Variants in SNX1 observed in about 807,000 individuals in gnomAD.
SNX1 encodes sorting nexin 1, also known as sorting nexin-1.
SNX1 carries 36 observed loss-of-function variants against 71.8 expected under a neutral mutation model. The ratio of observed to expected loss-of-function variants is 0.50; its 90% confidence interval spans 0.38 to 0.66. SNX1 has a LOEUF of 0.66. Ranked by LOEUF, SNX1 falls within the 30% of genes least tolerant of loss-of-function variation. The pLI is 0.00. For synonymous variants in SNX1, 254 were observed against 240.7 expected (o/e 1.06, Z -0.51); for missense variants, 612 against 646.7 (o/e 0.95, Z 0.58).
In SNX1 at chr15:64,139,732, A is replaced by G. The variant is rs984907663; in HGVS notation, c.*2114A>G. ...TATTTAAATTTTGCCATTTATCCCA[A>G]TAATGTCCTTTGTAGCCATTCTTTT... On this transcript the variant is annotated 3_prime_UTR_variant, in exon 15 of 15. Transcript: ENST00000559844. 1 of 152,050 alleles carries G rather than the reference A, an allele frequency of 6.6e-6. No individual in the cohort carries two copies. The highest frequency in any genetic ancestry group is 2.1e-4 in the South Asian group (1 of 4,820). 9.4% of individuals were successfully genotyped at this position (152,050 alleles called of 1,614,324 possible). A position where few individuals can be genotyped will look rare whatever the true frequency, so the allele number is the denominator to read the frequency against.
chr15:64,104,565 G>A (rs1469172407), intron 1 of SNX1, among the ~76,000 whole-genome samples: 2 of 151,512 alleles, frequency 1.3e-5, no homozygotes, highest in Non-Finnish European at 2.9e-5. Context: ...GAGCCACTGC[G>A]CCCGGCCCAG....
In SNX1 at chr15:64,123,493, T is replaced by C. The variant is rs1335028449; in HGVS notation, c.467-10T>C. 1 of 1,612,940 alleles carries C rather than the reference T, an allele frequency of 6.2e-7. No homozygotes were observed. ...ACAAGATAATCTTCTGCTTTCTTGTTCTCTCACAGGGGATGGTATGAATGC... is the reference window on the plus strand; with the variant it reads ...ACAAGATAATCTTCTGCTTTCTTGTCCTCTCACAGGGGATGGTATGAATGC... On this transcript the variant is annotated splice_polypyrimidine_tract_variant and intron_variant, in intron 4 of 14. Coordinates refer to ENST00000559844, the MANE Select transcript of SNX1 (RefSeq NM_003099.5).
chr15:64,104,045 T>C (rs1311711480), intron 1 of SNX1, among the ~76,000 whole-genome samples: 2 of 152,182 alleles, frequency 1.3e-5, no homozygotes, highest in Non-Finnish European at 2.9e-5. Context: ...AAATTCTACC[T>C]TGTGGTAAAT....
At chr15:64,107,191 C>T (rs921751451) in intron 1 of SNX1, among the ~76,000 whole-genome samples, 1 of 152,134 alleles carries the variant, frequency 6.6e-6, no homozygotes, top group African/African-American at 2.4e-5. Flanking sequence ...CTAATTTTCC[C>T]TCAAAAAATG....
At chr15:64,097,630 G>C (rs2080916924) in intron 1 of SNX1, among the ~76,000 whole-genome samples, 1 of 152,132 alleles carries the variant, frequency 6.6e-6, no homozygotes, top group Admixed American at 6.5e-5. Flanking sequence ...AATAATCTTT[G>C]TAATGTGGAA....
At chr15:64,120,456 G>A (rs1381792476) in intron 4 of SNX1, among the ~76,000 whole-genome samples, 3 of 151,510 alleles carry the variant, frequency 2.0e-5, no homozygotes, top group Non-Finnish European at 4.4e-5. Context: ...TATATTTTTT[G>A]TAGAGACAGG....
chr15:64,141,612 A>G lies in SNX1; in HGVS notation c.*3994A>G, dbSNP rs919128020. On this transcript the variant is annotated 3_prime_UTR_variant, in exon 15 of 15. Coordinates refer to ENST00000559844, the MANE Select transcript of SNX1 (RefSeq NM_003099.5). This position sits in a 1 kb window ranked among gnomAD's most constrained non-coding sequence, Gnocchi z 5.1. ...GGGTGAGGTAGGCGCATCTAGGGAA[A>G]TGTCAAGTGGCTTGGTGTAGGGTAA... The G allele has an allele frequency of 5.3e-5, 8 of 152,300 alleles. No individual in the cohort carries two copies. Among genetic ancestry groups the G allele is most frequent in the Admixed American group, 2.6e-4 (4 of 15,264 alleles). The allele number at this position is 152,300 out of a possible 1,614,324, so 9.4% of individuals were successfully genotyped here.
At chr15:64,113,839 A>AAGAG (rs10642801) in intron 2 of SNX1, among the ~76,000 whole-genome samples, 69 of 84,074 alleles carry the variant, frequency 8.2e-4, no homozygotes, top group African/African-American at 1.7e-3. Context: ...GAAAGAAAGA[A>AAGAG]AGAGAGAGAG....
At position 64,137,808 on chromosome 15, in the gene SNX1, C is replaced by T; in HGVS notation, c.*190C>T. 2.1e-6 allele frequency: 3 copies of T among 1,424,412 alleles called. No homozygotes were observed. Among genetic ancestry groups the T allele is most frequent in the Non-Finnish European group, 2.8e-6 (3 of 1,090,210 alleles). 88.2% of individuals were successfully genotyped at this position (1,424,412 alleles called of 1,614,324 possible). On this transcript the variant is annotated 3_prime_UTR_variant, in exon 15 of 15. Transcript: ENST00000559844. ...TTTAGCTTCCATATATATTTTCTTA[C>T]CTAAGAGAATAGTTTCCTGCTTTAA... is the stretch of plus-strand genomic sequence containing the variant.
At chr15:64,118,289 A>T in intron 3 of SNX1, 45 bp downstream of exon 3, 3 of 1,582,304 alleles carry the variant, frequency 1.9e-6, no homozygotes. Flanking sequence ...GATATTGAGG[A>T]CTGTGTACGG....
intron 1 of SNX1, among the ~76,000 whole-genome samples, chr15:64,100,403 C>T (rs1595972458): frequency 6.6e-6 from 1 of 152,092 alleles, no homozygotes; most frequent in African/African-American, 2.4e-5. Context: ...AGTTCTAGAC[C>T]AGCCTGGCCA....
At chr15:64,128,204 C>G (rs563504459) in intron 8 of SNX1, among the ~76,000 whole-genome samples, 12 of 152,326 alleles carry the variant, frequency 7.9e-5, no homozygotes, top group African/African-American at 2.9e-4. Context: ...TAGACAGTCT[C>G]TTTCACAGGC....
chr15:64,111,160 T>C (rs569274612), intron 1 of SNX1, among the ~76,000 whole-genome samples: 1 of 152,316 alleles, frequency 6.6e-6, no homozygotes, highest in African/African-American at 2.4e-5. Context: ...GGAAGTAGTG[T>C]GGAAGAAGGT....
chr15:64,127,718 G>C lies in SNX1; in HGVS notation c.732-13G>C. On this transcript the variant is annotated splice_polypyrimidine_tract_variant and intron_variant, in intron 7 of 14. Transcript: ENST00000559844. ...CAGCTCAACTAACCAGATGATAACT[G>C]CTTACCTTTTAGGTACCTTCAGAGG... 6.2e-7 allele frequency: 1 copy of C among 1,609,962 alleles called. No homozygotes were observed. The highest frequency in any genetic ancestry group is 8.5e-7 in the Non-Finnish European group (1 of 1,176,290).
intron 1 of SNX1, among the ~76,000 whole-genome samples, chr15:64,107,743 A>AG: frequency 1.0e-5 from 1 of 97,764 alleles, no homozygotes; most frequent in East Asian, 5.2e-4. Flanking sequence ...AGCTGCGAAA[A>AG]GGAAAAAAAA....
intron 11 of SNX1, among the ~76,000 whole-genome samples, chr15:64,132,738 A>T (rs1596005666): frequency 6.6e-6 from 1 of 152,092 alleles, no homozygotes. Flanking sequence ...CATATCTCCC[A>T]TTAGGGAGCT....
intron 1 of SNX1, among the ~76,000 whole-genome samples, chr15:64,096,888 T>G (rs7181268): frequency 0.54 from 81,823 of 152,148 alleles, 27,178 homozygotes; most frequent in East Asian, 0.81. Context: ...GGCCCTTGAG[T>G]GTAGGTTGTC....
At chr15:64,100,988 TG>T (rs1567315155) in intron 1 of SNX1, among the ~76,000 whole-genome samples, 1 of 152,136 alleles carries the variant, frequency 6.6e-6, no homozygotes, top group Admixed American at 6.5e-5. Context: ...TTTGTAGAGA[TG>T]GGGGTCTCCC....
At chr15:64,102,954 A>G (rs930076510) in intron 1 of SNX1, among the ~76,000 whole-genome samples, 7 of 151,434 alleles carry the variant, frequency 4.6e-5, no homozygotes, top group African/African-American at 1.7e-4. Flanking sequence ...TTTAGTAGAG[A>G]CGGGGTTTTG....
Sources: gnomAD v4.1 joint callset for allele counts (sites outside exome capture counted in the v4.1 genomes callset) on GRCh38, gnomAD v4.1.1 for gene constraint, Gnocchi (gnomAD v3.1) non-coding constraint, MANE v1.5 for transcripts, NCBI Gene and HGNC (gene_info 2026-07-23, HGNC 2026-07-21) for gene names.